EBF3: variants seen among roughly 807,000 people sequenced by gnomAD.
The protein encoded by EBF3 is transcription factor COE3.
A neutral mutation model predicts 77.1 loss-of-function variants in EBF3; 18 were observed. That is an observed-to-expected ratio of 0.23 (90% CI 0.16 to 0.35). The LOEUF is 0.35. EBF3 is among the 10% of genes least tolerant of loss of function. The pLI, the probability that EBF3 is intolerant of heterozygous loss-of-function variation, is 1.00. For missense variants in EBF3, 558 were observed against 860.0 expected, an observed-to-expected ratio of 0.65 and a Z score of 4.39; for synonymous variants, 350 against 343.5, an observed-to-expected ratio of 1.02 and a Z score of -0.21.
At chr10:129,934,975 A>C (rs1384975663) in intron 6 of EBF3, among the ~76,000 whole-genome samples, 6 of 152,144 alleles carry the variant, frequency 3.9e-5, no homozygotes, top group African/African-American at 1.4e-4. Context: ...GCTCACCTTG[A>C]ACAAGGGCCT....
At chr10:129,843,442 T>C (rs780509719) in intron 11 of EBF3, 6 of 476,900 alleles carry the variant, frequency 1.3e-5, no homozygotes, top group Non-Finnish European at 2.3e-5. Flanking sequence ...CTCCATCCGG[T>C]TGGGCTCACA....
At chr10:129,957,176 T>C in intron 6 of EBF3, 82 bp downstream of exon 6, 2 of 1,269,456 alleles carry the variant, frequency 1.6e-6, no homozygotes, top group South Asian at 1.3e-5. Context: ...CTCAAAAATA[T>C]GGAGCAACTG....
intron 11 of EBF3, among the ~76,000 whole-genome samples, chr10:129,843,959 T>G (rs1252440125): frequency 6.6e-6 from 1 of 152,230 alleles, no homozygotes; most frequent in Non-Finnish European, 1.5e-5. Flanking sequence ...ATCCAGAGTT[T>G]AGTTAATTTT....
At chr10:129,920,697 A>G (rs1479506714) in intron 6 of EBF3, among the ~76,000 whole-genome samples, 1 of 152,276 alleles carries the variant, frequency 6.6e-6, no homozygotes, top group Non-Finnish European at 1.5e-5. Context: ...CACCCAGCCC[A>G]GGACATCTCA....
At chr10:129,931,111 T>TCATATA (rs2134420879) in intron 6 of EBF3, among the ~76,000 whole-genome samples, 1 of 152,308 alleles carries the variant, frequency 6.6e-6, no homozygotes, top group South Asian at 2.1e-4. Context: ...AATCCCCCTC[T>TCATATA]CATATACCTA....
intron 8 of EBF3, among the ~76,000 whole-genome samples, chr10:129,869,299 C>T (rs1852244976): frequency 6.6e-6 from 1 of 152,190 alleles, no homozygotes; most frequent in Non-Finnish European, 1.5e-5. Flanking sequence ...TTTTGGTGCC[C>T]TTCCGTCGCT....
At position 129,938,739 on chromosome 10, in the gene EBF3, T is replaced by G. The variant is rs1321159302; in HGVS notation, c.554+18519A>C. On this transcript the variant is annotated intron_variant, in intron 6 of 16. Coordinates refer to ENST00000440978, the MANE Select transcript of EBF3 (RefSeq NM_001375380.1). The surrounding 1 kb of genome is among the most constrained non-coding windows in gnomAD (Gnocchi z 5.1). ...TTGTGTCCTGGGACCTGGCCTGTGCTCCAAGCAAGTCAAGGCCATTGAGTC... is the reference window on the plus strand; with the variant it reads ...TTGTGTCCTGGGACCTGGCCTGTGCGCCAAGCAAGTCAAGGCCATTGAGTC... Among the ~76,000 whole-genome samples the G allele has an allele frequency of 1.3e-5, 2 of 152,110 alleles. No homozygotes were observed. Among genetic ancestry groups the G allele is most frequent in the Non-Finnish European group, 2.9e-5 (2 of 68,030 alleles).
intron 10 of EBF3, among the ~76,000 whole-genome samples, chr10:129,853,683 TG>T (rs1213945294): frequency 3.0e-4 from 45 of 152,336 alleles, no homozygotes; most frequent in African/African-American, 1.0e-3. Flanking sequence ...TGTGCCTGAA[TG>T]AACACAGGTT....
intron 11 of EBF3, chr10:129,843,470 G>A (rs956198719): frequency 6.8e-5 from 28 of 412,608 alleles, no homozygotes; most frequent in East Asian, 4.1e-4. Context: ...ACGGACAAGC[G>A]GGAGGGCCGG....
chr10:129,954,923 C>T (rs1435782996), intron 6 of EBF3, among the ~76,000 whole-genome samples: 1 of 152,026 alleles, frequency 6.6e-6, no homozygotes, highest in Non-Finnish European at 1.5e-5. Context: ...AACATACACC[C>T]CACAGAAATG....
chr10:129,921,189 T>C (rs1856273922), intron 6 of EBF3, among the ~76,000 whole-genome samples: 1 of 151,786 alleles, frequency 6.6e-6, no homozygotes, highest in East Asian at 2.0e-4. Flanking sequence ...TCAGGAAGAA[T>C]GTGCTGGATC....
rs538628576 is a variant in EBF3, at chr10:129,878,661, CA to C, written c.555-813del. On this transcript the variant is annotated intron_variant, in intron 6 of 16. Coordinates refer to ENST00000440978, the MANE Select transcript of EBF3 (RefSeq NM_001375380.1). ...TGGTTGACAGCTCAAGGCTCTGTCT[CA>C]AAAAAAAAAAAAAAAAAAAAAGAGT... Among the ~76,000 whole-genome samples the C allele has an allele frequency of 9.2e-3, 319 of 34,844 alleles. 2 individuals are homozygous for C. The highest frequency in any genetic ancestry group is 0.073 in the East Asian group (78 of 1,066). 22.9% of individuals were successfully genotyped at this position (34,844 alleles called of 152,430 possible). A position where few individuals can be genotyped will look rare whatever the true frequency, so the allele number is the denominator to read the frequency against.
At chr10:129,857,819 C>T (rs767459844) in intron 10 of EBF3, among the ~76,000 whole-genome samples, 2 of 152,190 alleles carry the variant, frequency 1.3e-5, no homozygotes, top group Non-Finnish European at 2.9e-5. Flanking sequence ...AGTAGCTTCC[C>T]CGCCTCTCAG....
At chr10:129,844,888 A>G (rs1387605677) in intron 11 of EBF3, among the ~76,000 whole-genome samples, 3 of 152,326 alleles carry the variant, frequency 2.0e-5, no homozygotes, top group African/African-American at 2.4e-5. Context: ...AGAGGTATTA[A>G]TAATTACTCA....
intron 6 of EBF3, among the ~76,000 whole-genome samples, chr10:129,941,495 A>T (rs991629020): frequency 6.6e-6 from 1 of 152,248 alleles, no homozygotes; most frequent in Non-Finnish European, 1.5e-5. Context: ...ACTAGGCCAC[A>T]GAGGAGAGGT....
chr10:129,837,618 G>A lies in EBF3; in HGVS notation c.*325C>T, dbSNP rs1849689006. On this transcript the variant is annotated 3_prime_UTR_variant, in exon 17 of 17. Transcript: ENST00000440978. ...CAACACATAGCAATTACTAGACATGGCCAAGACGGAGTCGGAAACTTTATA... is the reference window on the plus strand; with the variant it reads ...CAACACATAGCAATTACTAGACATGACCAAGACGGAGTCGGAAACTTTATA... The A allele has an allele frequency of 2.9e-6, 1 of 341,412 alleles. No homozygotes were observed. The highest frequency in any genetic ancestry group is 6.1e-5 in the East Asian group (1 of 16,418). The allele number at this position is 341,412 out of a possible 1,614,324, so 21.1% of individuals were successfully genotyped here. A position where few individuals can be genotyped will look rare whatever the true frequency, so the allele number is the denominator to read the frequency against.
In EBF3 at chr10:129,848,520, T is replaced by G; in HGVS notation, c.1040-40A>C. 1 of 1,600,156 alleles carries G rather than the reference T, an allele frequency of 6.2e-7. No individual in the cohort carries two copies. Among genetic ancestry groups the G allele is most frequent in the Non-Finnish European group, 8.6e-7 (1 of 1,167,274 alleles). ...AGAAATGTAGATCAGGTTAATTACT[T>G]TTATGTCATCCATTACTCGTTTATT... On this transcript the variant is annotated intron_variant, in intron 10 of 16. Transcript: ENST00000440978. The surrounding 1 kb of genome is among the most constrained non-coding windows in gnomAD (Gnocchi z 4.4).
chr10:129,921,666 G>T (rs2134360244), intron 6 of EBF3, among the ~76,000 whole-genome samples: 1 of 152,338 alleles, frequency 6.6e-6, no homozygotes, highest in Admixed American at 6.5e-5. Flanking sequence ...ATGTCTGCGT[G>T]AAGAACTGCT....
chr10:129,877,537 G>A (rs1198319025), intron 7 of EBF3, among the ~76,000 whole-genome samples: 5 of 147,870 alleles, frequency 3.4e-5, no homozygotes, highest in Middle Eastern at 3.4e-3. Flanking sequence ...AGCTAAGTTC[G>A]CTGTTCGCTA....
Sources: gnomAD v4.1 joint callset for allele counts (sites outside exome capture counted in the v4.1 genomes callset) on GRCh38, gnomAD v4.1.1 for gene constraint, Gnocchi (gnomAD v3.1) non-coding constraint, MANE v1.5 for transcripts, NCBI Gene and HGNC (gene_info 2026-07-23, HGNC 2026-07-21) for gene names.